Variants in HAUS7 observed in about 807,000 individuals in gnomAD.
HAUS7 encodes the protein HAUS augmin-like complex subunit 7.
A neutral mutation model predicts 28.4 loss-of-function variants in HAUS7; 3 were observed. That is an observed-to-expected ratio of 0.11 (90% CI 0.05 to 0.27). The LOEUF (loss-of-function observed/expected upper bound fraction) is 0.27. Ranked by LOEUF, HAUS7 falls within the 10% of genes least tolerant of loss-of-function variation. The pLI, the probability that HAUS7 is intolerant of heterozygous loss-of-function variation, is 1.00. For missense variants in HAUS7, 284 were observed against 297.3 expected (o/e 0.96, Z 0.33); for synonymous variants, 165 against 132.1 (o/e 1.25, Z -1.71).
At chrX:153,457,288 GT>G (rs1480867202) in intron 4 of HAUS7, 60 bp from the exon 5 acceptor site, 8 of 777,814 alleles carry the variant, frequency 1.0e-5, no homozygotes, top group African/African-American at 8.1e-5. Flanking sequence ...AAGGCCAGCT[GT>G]CCCCAGTGCC....
chrX:153,465,604 C>A (rs1019715342), intron 2 of HAUS7, among the ~76,000 whole-genome samples: 7 of 112,681 alleles, frequency 6.2e-5, no homozygotes, highest in Non-Finnish European at 1.3e-4. Flanking sequence ...ACCTTGGGCA[C>A]GGTGAAGGCT....
intron 8 of HAUS7, 117 bp from the exon 9 acceptor site, chrX:153,454,625 G>C: frequency 1.9e-6 from 1 of 518,802 alleles, no homozygotes; most frequent in Non-Finnish European, 3.3e-6. Context: ...CACTGATCAG[G>C]TGGCATTCAC....
rs189659059 is a variant in HAUS7 at position 153,492,682 on chromosome X, C to T, written c.-589+2692G>A. Among the ~76,000 whole-genome samples, 38 of 110,861 alleles carry T rather than the reference C, an allele frequency of 3.4e-4. 1 individual carries two copies. The highest frequency in any genetic ancestry group is 1.2e-3 in the African/African-American group (37 of 30,296). On this transcript the variant is annotated intron_variant, in intron 1 of 5. Coordinates refer to the HAUS7 transcript ENST00000370210. Reference sequence around the variant, plus strand: ...CCTGGCTGAGACCTGAGGGTGAGGTCGGTGCAGGGCCGGACTGCAGCGCCG... The same window carrying T: ...CCTGGCTGAGACCTGAGGGTGAGGTTGGTGCAGGGCCGGACTGCAGCGCCG...
At chrX:153,493,432 A>T (rs1224532348) in intron 1 of HAUS7, among the ~76,000 whole-genome samples, 2 of 112,059 alleles carry the variant, frequency 1.8e-5, no homozygotes, top group Admixed American at 9.4e-5. Context: ...GGTGGGACAG[A>T]GATGAGACCA....
At chrX:153,472,427 CACCACCCACCACCCACCACCT>C (rs2089533128), upstream of HAUS7, among the ~76,000 whole-genome samples, 1 of 85,883 alleles carries the variant, frequency 1.2e-5, no homozygotes, top group Non-Finnish European at 2.3e-5. Flanking sequence ...CCCCACCACC[CACCACCCACCACCCACCACCT>C]GCCACCCACC....
intron 1 of HAUS7, among the ~76,000 whole-genome samples, chrX:153,479,791 C>T (rs1009260139): frequency 1.4e-4 from 16 of 111,366 alleles, no homozygotes; most frequent in African/African-American, 5.2e-4. Flanking sequence ...GGCCCTGCCC[C>T]AGGCTTGGGG....
chrX:153,490,599 G>A (rs1206916238), intron 1 of HAUS7, among the ~76,000 whole-genome samples: 1 of 112,997 alleles, frequency 8.8e-6, no homozygotes, highest in African/African-American at 3.2e-5. Flanking sequence ...TGGTGATGGG[G>A]TTGCCCACTG....
chrX:153,460,469 G>A (rs1440763382), intron 4 of HAUS7, among the ~76,000 whole-genome samples: 1 of 110,903 alleles, frequency 9.0e-6, no homozygotes, highest in Non-Finnish European at 1.9e-5. Context: ...GCACAGAACC[G>A]TGAATGTGCT....
chrX:153,472,098 G>A (rs1368601051), upstream of HAUS7, among the ~76,000 whole-genome samples: 2 of 111,157 alleles, frequency 1.8e-5, no homozygotes, highest in African/African-American at 3.3e-5. Flanking sequence ...AAGAAACCAC[G>A]GCAGTGTGGC....
At chrX:153,458,091 A>G (rs782384847) in intron 4 of HAUS7, among the ~76,000 whole-genome samples, 25 of 113,567 alleles carry the variant, frequency 2.2e-4, no homozygotes, top group Non-Finnish European at 4.1e-4. Flanking sequence ...TGGCTGAGCC[A>G]GTCCGTTCTG....
rs1181168262 is a variant in HAUS7 at position 153,487,766 on chromosome X, A to T, written c.-589+7608T>A. 6.2e-5 allele frequency among the ~76,000 whole-genome samples: 7 copies of T among 112,338 alleles called. No homozygotes were observed. In the Admixed American group the frequency reaches 6.6e-4, roughly 11 times the overall value. On this transcript the variant is annotated intron_variant, in intron 1 of 5. Coordinates refer to the HAUS7 transcript ENST00000370210. ...TCTGCCTGAGCGAGGCCGGCCCTCC[A>T]TGTTGACCTCCCCATGTGCCAGGAG... is the stretch of plus-strand genomic sequence containing the variant.
chrX:153,481,378 G>T, intron 1 of HAUS7: 1 of 754,750 alleles, frequency 1.3e-6, no homozygotes, highest in Non-Finnish European at 1.6e-6. Flanking sequence ...CCATCAACCT[G>T]GGCTGAGGAT....
intron 9 of HAUS7, among the ~76,000 whole-genome samples, chrX:153,452,663 A>G (rs782022913): frequency 1.2e-4 from 14 of 112,119 alleles, no homozygotes; most frequent in Non-Finnish European, 2.4e-4. Context: ...TCTAAAGCCA[A>G]CCACTTAAAA....
chrX:153,462,742 A>T, intron 3 of HAUS7, 71 bp from the exon 4 acceptor site: 1 of 845,006 alleles, frequency 1.2e-6, no homozygotes, highest in Non-Finnish European at 1.8e-6. Flanking sequence ...ACACCCAGGA[A>T]GCCCAGCACC....
intron 3 of HAUS7, among the ~76,000 whole-genome samples, chrX:153,464,002 C>T (rs782284639): frequency 8.8e-6 from 1 of 113,009 alleles, no homozygotes; most frequent in South Asian, 3.6e-4. Flanking sequence ...TGCTGCACCC[C>T]AGCACCAGGA....
intron 1 of HAUS7, chrX:153,479,478 T>TG: frequency 1.7e-6 from 1 of 580,361 alleles, no homozygotes. Flanking sequence ...AAAGGGCCCA[T>TG]GGCCCTGAGA....
intron 9 of HAUS7, among the ~76,000 whole-genome samples, chrX:153,449,580 G>A (rs1447406241): frequency 1.8e-5 from 2 of 112,800 alleles, no homozygotes; most frequent in Non-Finnish European, 3.8e-5. Flanking sequence ...AGAGCCCAAG[G>A]CCGGGTGTGC....
At chrX:153,480,174 G>A in intron 1 of HAUS7, among the ~76,000 whole-genome samples, 1 of 110,598 alleles carries the variant, frequency 9.0e-6, no homozygotes, top group East Asian at 2.9e-4. Flanking sequence ...GGGACACACT[G>A]GGGAAGTGAG....
intron 1 of HAUS7, chrX:153,486,585 T>C: frequency 1.1e-6 from 1 of 939,644 alleles, no homozygotes; most frequent in Non-Finnish European, 1.4e-6. Flanking sequence ...ACCCCGTCTT[T>C]CCGGGGTCTT....
Sources: gnomAD v4.1 joint callset for allele counts (sites outside exome capture counted in the v4.1 genomes callset) on GRCh38, gnomAD v4.1.1 for gene constraint, MANE v1.5 for transcripts, NCBI Gene and HGNC (gene_info 2026-07-23, HGNC 2026-07-21) for gene names.